Variants in CNBP observed in about 807,000 individuals in gnomAD.
CNBP encodes the protein CCHC-type zinc finger nucleic acid binding protein.
In CNBP, 6 loss-of-function variants were observed where a neutral mutation model predicts 21.2. The observed-to-expected ratio is 0.28, with a 90% CI of 0.16 to 0.56. The LOEUF (loss-of-function observed/expected upper bound fraction) is 0.56, where lower values mean the gene tolerates loss of function less well. Ranked by LOEUF, CNBP falls within the 20% of genes least tolerant of loss-of-function variation. The pLI, the probability that CNBP is intolerant of heterozygous loss-of-function variation, is 0.93. For missense variants in CNBP, 112 were observed against 233.1 expected (o/e 0.48, Z 3.38); for synonymous variants, 61 against 74.9 (o/e 0.81, Z 0.96).
At chr3:129,182,841 AAACT>A (rs1230612136) in intron 1 of CNBP, among the ~76,000 whole-genome samples, 1 of 152,212 alleles carries the variant, frequency 6.6e-6, no homozygotes, top group African/African-American at 2.4e-5. Flanking sequence ...AAGAATCGGA[AAACT>A]ATCAAGGATA....
chr3:129,180,449 C>T (rs753409710), intron 1 of CNBP, among the ~76,000 whole-genome samples: 4 of 152,210 alleles, frequency 2.6e-5, no homozygotes, highest in South Asian at 4.1e-4. Context: ...TGGAGCCATT[C>T]CAGGTGATCA....
rs1170218148 is a variant in CNBP at position 129,168,970 on chromosome 3, C to T, written c.*1483G>A. On this transcript the variant is annotated 3_prime_UTR_variant, in exon 5 of 5. Coordinates refer to ENST00000422453, the MANE Select transcript of CNBP (RefSeq NM_003418.5). ...AAAAAAAATTAGCTGGGCGCGGTGG[C>T]GGGTACCTGTAGCCCCAGCTACTCA... Among the ~76,000 whole-genome samples, 5 of 151,184 alleles carry T rather than the reference C, an allele frequency of 3.3e-5. No individual in the cohort carries two copies. Among genetic ancestry groups the T allele is most frequent in the Non-Finnish European group, 5.9e-5 (4 of 67,858 alleles).
chr3:129,168,410 A>G lies in CNBP; in HGVS notation c.*2043T>C, dbSNP rs1247924345. 6.6e-6 allele frequency among the ~76,000 whole-genome samples: 1 copy of G among 151,782 alleles called. No individual in the cohort carries two copies. The highest frequency in any genetic ancestry group is 2.4e-5 in the African/African-American group (1 of 41,278). On this transcript the variant is annotated 3_prime_UTR_variant, in exon 5 of 5. Transcript: ENST00000422453. ...CAACAGTTGGAGACCAGCCTGACCA[A>G]CACAGTGAAACCCCATCTCTACTAA...
chr3:129,170,618 G>A, intron 4 of CNBP, 48 bp from the exon 5 acceptor site: 1 of 1,445,292 alleles, frequency 6.9e-7, no homozygotes, highest in East Asian at 2.3e-5. Flanking sequence ...GAAAAAAACT[G>A]TCTACCAAAG....
intron 3 of CNBP, 33 bp from the exon 4 acceptor site, chr3:129,171,310 CTA>C (rs554798020): frequency 6.2e-6 from 10 of 1,612,002 alleles, no homozygotes; most frequent in Non-Finnish European, 8.5e-6. Flanking sequence ...CAGGCCAAGA[CTA>C]TAAAACCTTT....
At position 129,173,309 on chromosome 3, in the gene CNBP, A is replaced by T. The variant is rs575375343; in HGVS notation, c.-14-1538T>A. 1.1e-4 allele frequency among the ~76,000 whole-genome samples: 16 copies of T among 152,236 alleles called. No individual in the cohort carries two copies. In the East Asian group the frequency reaches 3.1e-3, roughly 29 times the overall value. On this transcript the variant is annotated intron_variant, in intron 1 of 4. Coordinates refer to ENST00000422453, the MANE Select transcript of CNBP (RefSeq NM_003418.5). ...TAATGCAAGTACTACACTATTTTAT[A>T]TTGGGAACTTGAGCATAGGAGGATT...
intron 1 of CNBP, among the ~76,000 whole-genome samples, chr3:129,174,242 G>T (rs1937729505): frequency 6.8e-6 from 1 of 147,964 alleles, no homozygotes; most frequent in Admixed American, 6.9e-5. Flanking sequence ...GATTTTTACA[G>T]AATTTGAAAT....
Position 129,170,381 on chromosome 3 carries a change from G to T in CNBP, c.*72C>A. The T allele has an allele frequency of 7.6e-7, 1 of 1,316,950 alleles. No homozygotes were observed. The highest frequency in any genetic ancestry group is 1.1e-6 in the Non-Finnish European group (1 of 910,556). The allele number at this position is 1,316,950 out of a possible 1,614,324, so 81.6% of individuals were successfully genotyped here. On this transcript the variant is annotated 3_prime_UTR_variant, in exon 5 of 5. Coordinates refer to ENST00000422453, the MANE Select transcript of CNBP (RefSeq NM_003418.5). ...AGTTGCCTCTATCTGCCAACCTTTG[G>T]CCAGTGAAGAGGATTCAGAGAAAAT...
At chr3:129,179,879 G>A (rs190173177) in intron 1 of CNBP, among the ~76,000 whole-genome samples, 2 of 152,194 alleles carry the variant, frequency 1.3e-5, no homozygotes, top group East Asian at 1.9e-4. Context: ...GGTGGCACAC[G>A]CCTATAGTCC....
intron 1 of CNBP, among the ~76,000 whole-genome samples, chr3:129,172,580 GCAGGCAGGCAGGCAGGCAGGCAGGCAGA>G (rs1322600822): frequency 5.2e-4 from 8 of 15,276 alleles, no homozygotes; most frequent in Admixed American, 1.9e-3. Context: ...AGACAGACAG[GCAGGCAGGCAGGCAGGCAGGCAGGCAGA>G]CAGGCAGACA....
chr3:129,180,760 A>T (rs779557455), intron 1 of CNBP, among the ~76,000 whole-genome samples: 5 of 146,560 alleles, frequency 3.4e-5, no homozygotes, highest in African/African-American at 5.3e-5. Context: ...AAAGGAACCA[A>T]TCTTTTTTTT....
At position 129,169,149 on chromosome 3, in the gene CNBP, C is replaced by CG. The variant is rs1045628708; in HGVS notation, c.*1303dup. Reference sequence around the variant, plus strand: ...TAAAAATAAAAATACAAAAAATTAGCGGGGGGTGGTGGCGGGTGCCTGTAA... The same window carrying CG: ...TAAAAATAAAAATACAAAAAATTAGCGGGGGGGTGGTGGCGGGTGCCTGTAA... On this transcript the variant is annotated 3_prime_UTR_variant, in exon 5 of 5. Coordinates refer to ENST00000422453, the MANE Select transcript of CNBP (RefSeq NM_003418.5). Among the ~76,000 whole-genome samples the CG allele has an allele frequency of 6.6e-5, 10 of 151,648 alleles. No individual in the cohort carries two copies. Among genetic ancestry groups the CG allele is most frequent in the Admixed American group, 2.0e-4 (3 of 15,218 alleles).
At chr3:129,182,998 C>T (rs1462138957) in intron 1 of CNBP, among the ~76,000 whole-genome samples, 1 of 152,024 alleles carries the variant, frequency 6.6e-6, no homozygotes, top group Non-Finnish European at 1.5e-5. Flanking sequence ...GTTGCCCATG[C>T]TGGAGTGTAG....
chr3:129,172,402 C>T (rs1436959101), intron 1 of CNBP, among the ~76,000 whole-genome samples: 2 of 150,308 alleles, frequency 1.3e-5, no homozygotes, highest in East Asian at 2.0e-4. Context: ...GCCAACATGG[C>T]GAAACCCCGT....
At chr3:129,181,989 C>A (rs1938332247) in intron 1 of CNBP, among the ~76,000 whole-genome samples, 1 of 152,012 alleles carries the variant, frequency 6.6e-6, no homozygotes, top group Non-Finnish European at 1.5e-5. Flanking sequence ...TTTGATTATC[C>A]TTAACCAGAG....
intron 1 of CNBP, among the ~76,000 whole-genome samples, chr3:129,180,337 T>G (rs1938211378): frequency 6.6e-6 from 1 of 152,238 alleles, no homozygotes; most frequent in African/African-American, 2.4e-5. Context: ...TTCTTGAATC[T>G]TAAAAAATAT....
intron 1 of CNBP, among the ~76,000 whole-genome samples, chr3:129,173,337 G>A (rs1297725658): frequency 6.6e-6 from 1 of 152,112 alleles, no homozygotes; most frequent in Non-Finnish European, 1.5e-5. Context: ...GGAGGATTTT[G>A]GTATTTGAGG....
At chr3:129,181,778 AG>A (rs1263045268) in intron 1 of CNBP, among the ~76,000 whole-genome samples, 9 of 152,252 alleles carry the variant, frequency 5.9e-5, no homozygotes, top group African/African-American at 2.2e-4. Context: ...TTGGTTCCTC[AG>A]AAAAACACAA....
chr3:129,174,576 A>C (rs1320502021), intron 1 of CNBP, among the ~76,000 whole-genome samples: 1 of 151,078 alleles, frequency 6.6e-6, no homozygotes, highest in Admixed American at 6.6e-5. Context: ...GAGGCAGGAT[A>C]ATCTCTTGAA....
Sources: allele counts gnomAD v4.1 joint callset (sites outside exome capture counted in the v4.1 genomes callset), GRCh38; gene constraint gnomAD v4.1.1; transcripts MANE v1.5; gene names NCBI Gene and HGNC (gene_info 2026-07-23, HGNC 2026-07-21).